CCDC178: variants seen among roughly 807,000 people sequenced by gnomAD.
CCDC178 encodes the protein coiled-coil domain-containing protein 178.
CCDC178 carries 126 observed loss-of-function variants against 117.4 expected under a neutral mutation model. The observed-to-expected ratio is 1.07, with a 90% CI of 0.93 to 1.24. CCDC178 has a LOEUF of 1.24. Ranked by LOEUF, CCDC178 falls within the 50% of genes most tolerant of loss-of-function variation. The probability of loss-of-function intolerance (pLI) is 0.00; values close to 1 mark genes in which losing one functional copy is unlikely to be tolerated. For missense variants in CCDC178, 1,030 were observed against 986.9 expected (o/e 1.04, Z -0.59); for synonymous variants, 283 against 313.4 (o/e 0.90, Z 1.02).
At chr18:33,351,001 A>T (rs2062969466) in intron 7 of CCDC178, among the ~76,000 whole-genome samples, 1 of 152,258 alleles carries the variant, frequency 6.6e-6, no homozygotes, top group African/African-American at 2.4e-5. Flanking sequence ...ATATAAACTA[A>T]GGGTTTCTCA....
chr18:33,012,330 T>C (rs995030873), intron 21 of CCDC178, among the ~76,000 whole-genome samples: 1 of 152,228 alleles, frequency 6.6e-6, no homozygotes, highest in Non-Finnish European at 1.5e-5. Context: ...TTCCCATATA[T>C]CAGGCTTTAT....
chr18:33,199,986 A>G (rs1333639071), intron 20 of CCDC178, among the ~76,000 whole-genome samples: 1 of 152,170 alleles, frequency 6.6e-6, no homozygotes, highest in Non-Finnish European at 1.5e-5. Context: ...ATATATTTGG[A>G]CAATTCCTCT....
In CCDC178 at chr18:33,394,374, C is replaced by G. The variant is rs143598993; in HGVS notation, c.118+2775G>C. ...AATGTGGCCCAGAAAGGCAGTGAAC[C>G]AAGCCAGGTTCACAAAGTTAGCAAG... On this transcript the variant is annotated intron_variant, in intron 4 of 22. Coordinates refer to ENST00000383096, the MANE Select transcript of CCDC178 (RefSeq NM_001105528.4). Among the ~76,000 whole-genome samples, 25 of 151,942 alleles carry G rather than the reference C, an allele frequency of 1.6e-4. No individual in the cohort carries two copies. In the East Asian group the frequency reaches 4.8e-3, roughly 29 times the overall value.
chr18:33,187,493 A>T (rs1296664976), intron 20 of CCDC178, among the ~76,000 whole-genome samples: 2 of 152,006 alleles, frequency 1.3e-5, no homozygotes, highest in African/African-American at 4.8e-5. Context: ...AATACATCTC[A>T]TTCCTTCTAG....
At chr18:32,988,414 C>A (rs546523908) in intron 21 of CCDC178, among the ~76,000 whole-genome samples, 3 of 152,158 alleles carry the variant, frequency 2.0e-5, no homozygotes, top group East Asian at 3.9e-4. Flanking sequence ...CCAGCCTGGG[C>A]TACGGAGTAA....
chr18:33,245,893 G>A (rs962985582), intron 14 of CCDC178, among the ~76,000 whole-genome samples: 162 of 151,948 alleles, frequency 1.1e-3, no homozygotes, highest in African/African-American at 3.6e-3. Flanking sequence ...GATGTCCTGT[G>A]CATTGTAAGT....
chr18:33,290,547 A>G (rs1428150036), intron 12 of CCDC178, among the ~76,000 whole-genome samples: 1 of 152,138 alleles, frequency 6.6e-6, no homozygotes, highest in African/African-American at 2.4e-5. Flanking sequence ...CAATTATTCC[A>G]TAAGTGGATA....
chr18:33,062,772 C>T (rs752934622), intron 21 of CCDC178, among the ~76,000 whole-genome samples: 1 of 152,088 alleles, frequency 6.6e-6, no homozygotes, highest in Non-Finnish European at 1.5e-5. Context: ...AGACCCTAGA[C>T]CCCACCATAT....
chr18:33,004,146 A>G (rs900334668), intron 21 of CCDC178, among the ~76,000 whole-genome samples: 1 of 152,174 alleles, frequency 6.6e-6, no homozygotes, highest in Non-Finnish European at 1.5e-5. Context: ...CATACGAATG[A>G]CATCTTCACA....
At chr18:33,222,898 T>C (rs1003612177) in intron 18 of CCDC178, among the ~76,000 whole-genome samples, 7 of 152,074 alleles carry the variant, frequency 4.6e-5, no homozygotes, top group Admixed American at 2.0e-4. Context: ...CCTGATAAAC[T>C]AGACCAGTGA....
intron 14 of CCDC178, among the ~76,000 whole-genome samples, chr18:33,249,761 G>A (rs2059595650): frequency 6.6e-6 from 1 of 151,878 alleles, no homozygotes; most frequent in South Asian, 2.1e-4. Flanking sequence ...GCTCTTTTTT[G>A]GTTCCATATG....
chr18:33,338,972 C>T (rs1325498676), intron 9 of CCDC178, among the ~76,000 whole-genome samples: 6 of 151,882 alleles, frequency 4.0e-5, no homozygotes, highest in Admixed American at 3.3e-4. Flanking sequence ...AAAATAAATG[C>T]AAATTAACCA....
intron 20 of CCDC178, among the ~76,000 whole-genome samples, chr18:33,106,177 A>G (rs1414559286): frequency 6.6e-6 from 1 of 151,604 alleles, no homozygotes; most frequent in African/African-American, 2.4e-5. Context: ...TCAGTTTCAC[A>G]GGATTCCTCC....
At chr18:32,981,308 G>C (rs2055149417) in intron 21 of CCDC178, among the ~76,000 whole-genome samples, 1 of 151,938 alleles carries the variant, frequency 6.6e-6, no homozygotes, top group African/African-American at 2.4e-5. Context: ...AAAAAAATTG[G>C]AATGGTAAAC....
intron 20 of CCDC178, among the ~76,000 whole-genome samples, chr18:33,193,700 T>C (rs2058890914): frequency 6.6e-6 from 1 of 152,222 alleles, no homozygotes; most frequent in Non-Finnish European, 1.5e-5. Context: ...CCATAGTTTA[T>C]TGAAAAACTG....
intron 12 of CCDC178, among the ~76,000 whole-genome samples, chr18:33,282,940 C>A (rs1057302932): frequency 6.6e-6 from 1 of 152,176 alleles, no homozygotes; most frequent in Admixed American, 6.5e-5. Context: ...CCTGCCCAGA[C>A]CAGCACTCTG....
chr18:33,298,027 C>T (rs1231972553), intron 11 of CCDC178, among the ~76,000 whole-genome samples: 7 of 131,692 alleles, frequency 5.3e-5, no homozygotes, highest in South Asian at 2.7e-4. Context: ...GGCGACTGAG[C>T]GAGACTCTGT....
intron 12 of CCDC178, among the ~76,000 whole-genome samples, chr18:33,279,900 T>C (rs550340991): frequency 1.8e-4 from 27 of 152,266 alleles, no homozygotes; most frequent in Middle Eastern, 3.4e-3. Context: ...GCTAGCCATA[T>C]GTAGAAAGCT....
chr18:32,940,007 C>A (rs2054202147), intron 22 of CCDC178, among the ~76,000 whole-genome samples: 2 of 152,110 alleles, frequency 1.3e-5, no homozygotes, highest in African/African-American at 4.8e-5. Context: ...AGTTTACATT[C>A]TCTTAATCTT....
Sources: allele counts gnomAD v4.1 joint callset (sites outside exome capture counted in the v4.1 genomes callset), GRCh38; gene constraint gnomAD v4.1.1; transcripts MANE v1.5; gene names NCBI Gene and HGNC (gene_info 2026-07-23, HGNC 2026-07-21).